The following SMARCA1 variants were observed in gnomAD, a reference collection of about 807,000 sequenced individuals.
SMARCA1 encodes the protein SNF2 related chromatin remodeling ATPase 1.
A neutral mutation model predicts 93.6 loss-of-function variants in SMARCA1; 17 were observed. The ratio of observed to expected loss-of-function variants is 0.18; its 90% CI spans 0.12 to 0.27. SMARCA1 has a LOEUF of 0.27. SMARCA1 is among the 10% of genes least tolerant of loss of function. SMARCA1 has a pLI of 1.00. For synonymous variants in SMARCA1, 271 were observed against 271.4 expected, an observed-to-expected ratio of 1.00 and a Z score of 0.01; for missense variants, 630 against 819.0, an observed-to-expected ratio of 0.77 and a Z score of 2.82.
At chrX:129,508,989 C>T (rs934337630) in intron 6 of SMARCA1, among the ~76,000 whole-genome samples, 6 of 109,639 alleles carry the variant, frequency 5.5e-5, no homozygotes, top group Non-Finnish European at 3.8e-5. Context: ...AGTTCAAGAA[C>T]AGCCTGGCCA....
chrX:129,504,565 A>AAC (rs1569446111), intron 9 of SMARCA1, among the ~76,000 whole-genome samples, 169 bp downstream of exon 9: 44 of 98,069 alleles, frequency 4.5e-4, no homozygotes, highest in African/African-American at 1.7e-3. Flanking sequence ...AAAAAAAAAA[A>AAC]AAAAAAAAAA....
chrX:129,507,078 G>T (rs761592447), intron 7 of SMARCA1, among the ~76,000 whole-genome samples: 1 of 111,805 alleles, frequency 8.9e-6, no homozygotes, highest in African/African-American at 3.2e-5. Flanking sequence ...TTATTCTCTA[G>T]CATGTGTCCT....
At chrX:129,518,182 TGAG>T (rs1935268869) in intron 2 of SMARCA1, among the ~76,000 whole-genome samples, 176 bp downstream of exon 2, 2 of 111,822 alleles carry the variant, frequency 1.8e-5, no homozygotes, top group Admixed American at 1.9e-4. Context: ...CATCTGAAAA[TGAG>T]GAGGTTAATT....
At chrX:129,478,969 A>C (rs1272993489) in intron 19 of SMARCA1, among the ~76,000 whole-genome samples, 5 of 111,594 alleles carry the variant, frequency 4.5e-5, no homozygotes, top group African/African-American at 1.6e-4. Flanking sequence ...ACCCATGGCA[A>C]CCCTGTTAGT....
intron 4 of SMARCA1, 34 bp downstream of exon 4, chrX:129,515,860 G>T: frequency 8.7e-7 from 1 of 1,149,856 alleles, no homozygotes; most frequent in South Asian, 1.8e-5. Context: ...AAACTAAATT[G>T]AAAAAGAACT....
At chrX:129,516,938 A>G (rs370143672) in intron 2 of SMARCA1, among the ~76,000 whole-genome samples, 3 of 111,712 alleles carry the variant, frequency 2.7e-5, no homozygotes, top group African/African-American at 9.7e-5. Context: ...TAACTATGAT[A>G]TATATACCAT....
At chrX:129,505,783 A>G (rs1934785961) in intron 8 of SMARCA1, among the ~76,000 whole-genome samples, 1 of 111,141 alleles carries the variant, frequency 9.0e-6, no homozygotes, top group Non-Finnish European at 1.9e-5. Flanking sequence ...CTTCAACTTA[A>G]TGAAAATAAA....
intron 6 of SMARCA1, among the ~76,000 whole-genome samples, chrX:129,508,682 G>A (rs1018836804): frequency 3.6e-4 from 40 of 112,331 alleles, no homozygotes; most frequent in African/African-American, 1.0e-3. Context: ...TCATAAAGGG[G>A]ACTTGCTCTG....
At chrX:129,505,495 G>A (rs1934774390) in intron 8 of SMARCA1, among the ~76,000 whole-genome samples, 1 of 110,899 alleles carries the variant, frequency 9.0e-6, no homozygotes, top group Non-Finnish European at 1.9e-5. Flanking sequence ...CTGGGGGACA[G>A]AGTGAGACTC....
chrX:129,478,129 T>C (rs1287040704), intron 19 of SMARCA1, among the ~76,000 whole-genome samples: 1 of 111,800 alleles, frequency 8.9e-6, no homozygotes, highest in Non-Finnish European at 1.9e-5. Flanking sequence ...GATCTCCCAG[T>C]CCACATGAGA....
chrX:129,475,149 ATT>A (rs200947687), intron 19 of SMARCA1, among the ~76,000 whole-genome samples: 1 of 102,851 alleles, frequency 9.7e-6, no homozygotes. Flanking sequence ...TAAGACATAC[ATT>A]TTTTTTTTTT....
At chrX:129,491,244 C>A (rs1182938380) in intron 14 of SMARCA1, among the ~76,000 whole-genome samples, 3 of 111,349 alleles carry the variant, frequency 2.7e-5, no homozygotes, top group African/African-American at 9.8e-5. Context: ...ATATTCAAAA[C>A]CTAAGAAGTT....
intron 9 of SMARCA1, among the ~76,000 whole-genome samples, chrX:129,501,709 G>A (rs891829054): frequency 9.2e-6 from 1 of 108,556 alleles, no homozygotes; most frequent in Non-Finnish European, 1.9e-5. Flanking sequence ...CGTCTCCCAG[G>A]TTCAAGCCAT....
chrX:129,493,946 T>A (rs1212449214), intron 12 of SMARCA1, among the ~76,000 whole-genome samples: 2 of 111,198 alleles, frequency 1.8e-5, no homozygotes, highest in African/African-American at 6.5e-5. Flanking sequence ...TGGCACACAA[T>A]CAAAGTAAGG....
At position 129,516,379 on chromosome X, in the gene SMARCA1, C is replaced by T. The variant is rs1178782625; in HGVS notation, c.380G>A (p.Arg127His). ...CTTTTCATCTTTCTTTATTCGGGGA[C>T]GTCCCAATTTCATGTTCAGTGGAGA... is the stretch of plus-strand genomic sequence containing the variant. Reference protein sequence around the residue: ...PTSPLNMKLGRPRIKKDEKQS... With the variant: ...PTSPLNMKLGHPRIKKDEKQS... Residue 127 changes from arginine to histidine, a missense_variant, in exon 3 of 25, where the codon CGT (arginine) becomes CAT (histidine). Arg to His is a conservative substitution (Grantham distance 29). Coordinates refer to ENST00000371121, the MANE Select transcript of SMARCA1 (RefSeq NM_001282874.2). The T allele has an allele frequency of 1.1e-5, 13 of 1,209,103 alleles. No individual in the cohort carries two copies. The highest frequency in any genetic ancestry group is 1.5e-5 in the Non-Finnish European group (13 of 893,620).
At chrX:129,481,829 A>G (rs903610903) in intron 17 of SMARCA1, among the ~76,000 whole-genome samples, 3 of 111,220 alleles carry the variant, frequency 2.7e-5, no homozygotes, top group Non-Finnish European at 3.8e-5. Context: ...TCCCATTACT[A>G]GGTATATACC....
At chrX:129,494,862 T>C (rs1934263452) in intron 12 of SMARCA1, among the ~76,000 whole-genome samples, 1 of 112,336 alleles carries the variant, frequency 8.9e-6, no homozygotes, top group African/African-American at 3.2e-5. Flanking sequence ...TGAAACCAAG[T>C]TCAGTGCATT....
chrX:129,523,157 C>A, intron 1 of SMARCA1, 40 bp downstream of exon 1: 1 of 1,196,501 alleles, frequency 8.4e-7, no homozygotes, highest in Non-Finnish European at 1.1e-6. Context: ...GGGCCAGGCA[C>A]AGGATTTGTC....
chrX:129,474,259 C>A (rs1933272973), intron 19 of SMARCA1, among the ~76,000 whole-genome samples: 1 of 111,107 alleles, frequency 9.0e-6, no homozygotes, highest in African/African-American at 3.3e-5. Flanking sequence ...AGTTAATAGA[C>A]CCCTTAAATT....
Sources: allele counts gnomAD v4.1 joint callset (sites outside exome capture counted in the v4.1 genomes callset), GRCh38; gene constraint gnomAD v4.1.1; transcripts MANE v1.5; gene names NCBI Gene and HGNC (gene_info 2026-07-23, HGNC 2026-07-21).